Variants in FAM24B observed in about 807,000 individuals in gnomAD.
FAM24B encodes protein FAM24B.
A neutral mutation model predicts 2.3 loss-of-function variants in FAM24B; 3 were observed. That is an observed-to-expected ratio of 1.29 (90% confidence interval 0.59 to 3.32). FAM24B has a LOEUF of 3.32. Among genes scored for constraint, FAM24B ranks in the 30% most tolerant of loss-of-function variants. FAM24B has a pLI of 0.03. For missense variants in FAM24B, 98 were observed against 117.2 expected, an observed-to-expected ratio of 0.84 and a Z score of 0.76; for synonymous variants, 36 against 46.3, an observed-to-expected ratio of 0.78 and a Z score of 0.90.
chr10:122,867,064 C>A (rs909331111), intron 1 of FAM24B, among the ~76,000 whole-genome samples: 35 of 152,266 alleles, frequency 2.3e-4, no homozygotes, highest in South Asian at 4.1e-4. Context: ...TACAAAATAG[C>A]TTTATTGCTG....
chr10:122,849,231 G>T lies in FAM24B; in HGVS notation c.*16C>A. ...AAGTATTGCTCATGAAGATTTTTGT[G>T]CCCACCTTTCCTAACTCAGAGGCCC... On this transcript the variant is annotated 3_prime_UTR_variant, in exon 4 of 4. Coordinates refer to ENST00000368898, the MANE Select transcript of FAM24B (RefSeq NM_152644.3). 6.6e-7 allele frequency: 1 copy of T among 1,517,924 alleles called. No homozygotes were observed. The highest frequency in any genetic ancestry group is 8.9e-7 in the Non-Finnish European group (1 of 1,128,540). 94.0% of individuals were successfully genotyped at this position (1,517,924 alleles called of 1,614,324 possible). A position where few individuals can be genotyped will look rare whatever the true frequency, so the allele number is the denominator to read the frequency against.
At chr10:122,869,334 G>A (rs1284114430) in intron 1 of FAM24B, among the ~76,000 whole-genome samples, 4 of 152,066 alleles carry the variant, frequency 2.6e-5, no homozygotes, top group African/African-American at 4.8e-5. Context: ...CAATAATAAT[G>A]GGAGACTTTA....
chr10:122,855,024 C>T (rs1325502921), intron 2 of FAM24B, among the ~76,000 whole-genome samples: 21 of 152,198 alleles, frequency 1.4e-4, no homozygotes, highest in South Asian at 4.2e-4. Context: ...CCTTCTGCTC[C>T]GCTCCCGGGA....
rs1394677200 is a variant in FAM24B at position 122,850,465 on chromosome 10, A to T, written c.51T>A (p.Val17=). The T allele has an allele frequency of 6.2e-7, 1 of 1,614,150 alleles. No individual in the cohort carries two copies. The highest frequency in any genetic ancestry group is 8.5e-7 in the Non-Finnish European group (1 of 1,180,004). ...TTTTGAAGTAAAGACAGAGCACGAC[A>T]ACTATCAGCAGGAGCAAGGCCGCCA... ...GILAALLLLI[V]VVLCLYFKIH... is the part of the protein sequence containing the mutation. Residue 17 remains valine (V), a synonymous_variant, in exon 3 of 4, where the codon GTT becomes GTA. Coordinates refer to ENST00000368898, the MANE Select transcript of FAM24B (RefSeq NM_152644.3).
chr10:122,858,557 A>G (rs997812353), intron 1 of FAM24B, among the ~76,000 whole-genome samples: 9 of 150,004 alleles, frequency 6.0e-5, no homozygotes, highest in African/African-American at 2.0e-4. Context: ...TGTAATAATA[A>G]AAAAAAAAGA....
intron 2 of FAM24B, among the ~76,000 whole-genome samples, chr10:122,852,057 G>GA (rs940407325): frequency 9.3e-5 from 14 of 150,756 alleles, no homozygotes; most frequent in Admixed American, 4.0e-4. Flanking sequence ...AATACAGAAA[G>GA]AAAAAAAAAT....
chr10:122,874,552 C>G (rs1169032123), intron 1 of FAM24B, among the ~76,000 whole-genome samples: 1 of 152,154 alleles, frequency 6.6e-6, no homozygotes, highest in Non-Finnish European at 1.5e-5. Flanking sequence ...ATTTCTCTTT[C>G]AACATTGTAA....
chr10:122,875,694 T>C (rs1847966363), intron 1 of FAM24B, among the ~76,000 whole-genome samples: 1 of 151,942 alleles, frequency 6.6e-6, no homozygotes, highest in Admixed American at 6.6e-5. Context: ...TTAAATAAAA[T>C]GTAGTCTGAT....
chr10:122,876,368 T>C (rs1847977359), intron 1 of FAM24B, among the ~76,000 whole-genome samples: 3 of 152,188 alleles, frequency 2.0e-5, no homozygotes, highest in African/African-American at 7.2e-5. Context: ...TACTTTCCCT[T>C]GAGAGAAGGC....
At chr10:122,853,781 T>C (rs537341310) in intron 2 of FAM24B, among the ~76,000 whole-genome samples, 1 of 152,264 alleles carries the variant, frequency 6.6e-6, no homozygotes, top group African/African-American at 2.4e-5. Context: ...GTAGCAGATG[T>C]CTGTAGTCCC....
In FAM24B at chr10:122,877,595, C is replaced by A. The variant is rs533827793; in HGVS notation, c.-178+1890G>T. Among the ~76,000 whole-genome samples the A allele has an allele frequency of 3.3e-5, 5 of 152,310 alleles. No homozygotes were observed. The South Asian group carries it at 1.0e-3, about 32-fold the overall frequency. On this transcript the variant is annotated intron_variant, in intron 1 of 3. Transcript: ENST00000368898. ...TTCTGAATAATAACTGATAATAGTT[C>A]ATGTCTGCACCTTAGCAGGACCCAG...
intron 1 of FAM24B, among the ~76,000 whole-genome samples, chr10:122,867,971 C>T (rs1847827413): frequency 6.6e-6 from 1 of 152,104 alleles, no homozygotes; most frequent in Non-Finnish European, 1.5e-5. Flanking sequence ...GAGAGGAAGG[C>T]TTCAGAAGAT....
At position 122,849,347 on chromosome 10, in the gene FAM24B, G is replaced by A. The variant is rs774149518; in HGVS notation, c.185C>T (p.Thr62Met). ...AKNSQAKTIA[T>M]ESCPALQCCE... is the part of the protein sequence containing the mutation. ...GCACTGCAGGGCAGGACAAGACTCC[G>A]TGGCAATGGTTTTGGCCTGGCTGTT... Residue 62 changes from threonine (T) to methionine (M), a missense_variant, in exon 4 of 4, where the codon ACG (threonine) becomes ATG (methionine). By Grantham distance (81) the Thr-to-Met change is moderately conservative. Coordinates refer to ENST00000368898, the MANE Select transcript of FAM24B (RefSeq NM_152644.3). 1.7e-5 allele frequency: 28 copies of A among 1,613,368 alleles called. No individual in the cohort carries two copies. Among genetic ancestry groups the A allele is most frequent in the Middle Eastern group, 1.6e-4 (1 of 6,082 alleles).
chr10:122,874,914 C>T (rs1020021411), intron 1 of FAM24B, among the ~76,000 whole-genome samples: 2 of 152,198 alleles, frequency 1.3e-5, no homozygotes, highest in African/African-American at 4.8e-5. Flanking sequence ...AGCCCAGGGG[C>T]ACCCCTGGTA....
intron 1 of FAM24B, among the ~76,000 whole-genome samples, chr10:122,863,187 G>A (rs1433463910): frequency 1.3e-5 from 2 of 152,102 alleles, no homozygotes; most frequent in Non-Finnish European, 2.9e-5. Flanking sequence ...CTACCTACAG[G>A]TAACAGTAAC....
At chr10:122,874,000 C>A (rs999267016) in intron 1 of FAM24B, among the ~76,000 whole-genome samples, 1 of 152,114 alleles carries the variant, frequency 6.6e-6, no homozygotes, top group Non-Finnish European at 1.5e-5. Flanking sequence ...AATTTCTATT[C>A]TTTTACATTT....
At chr10:122,852,742 G>A (rs79136200) in intron 2 of FAM24B, among the ~76,000 whole-genome samples, 2 of 152,298 alleles carry the variant, frequency 1.3e-5, no homozygotes, top group East Asian at 1.9e-4. Context: ...CACCCTGGTG[G>A]AGGGGTGCTT....
At chr10:122,856,890 T>A (rs1458027191) in intron 1 of FAM24B, among the ~76,000 whole-genome samples, 2 of 152,186 alleles carry the variant, frequency 1.3e-5, no homozygotes, top group Non-Finnish European at 2.9e-5. Context: ...ACTTCCCACC[T>A]TTAAACACCA....
intron 1 of FAM24B, among the ~76,000 whole-genome samples, chr10:122,857,752 G>A (rs1847662693): frequency 6.6e-6 from 1 of 152,198 alleles, no homozygotes; most frequent in African/African-American, 2.4e-5. Context: ...TTAATGACAA[G>A]AAGAATGTTA....
Sources: gnomAD v4.1 joint callset for allele counts (sites outside exome capture counted in the v4.1 genomes callset) on GRCh38, gnomAD v4.1.1 for gene constraint, MANE v1.5 for transcripts, NCBI Gene and HGNC (gene_info 2026-07-23, HGNC 2026-07-21) for gene names.